Variants in GALNT14 observed in about 807,000 individuals in gnomAD.
GALNT14 encodes polypeptide N-acetylgalactosaminyltransferase 14.
In GALNT14, 60 loss-of-function variants were observed where a neutral mutation model predicts 77.5. That is an observed-to-expected ratio of 0.77 (90% confidence interval 0.63 to 0.96). The LOEUF is 0.96. GALNT14 is among the 40% of genes least tolerant of loss of function. GALNT14 has a pLI of 0.00. For synonymous variants in GALNT14, 280 were observed against 281.7 expected (o/e 0.99, Z 0.06); for missense variants, 710 against 731.0 (o/e 0.97, Z 0.33).
intron 1 of GALNT14, among the ~76,000 whole-genome samples, chr2:31,089,855 G>A (rs1122261): frequency 0.44 from 66,146 of 151,942 alleles, 14,794 homozygotes; most frequent in Middle Eastern, 0.48. Context: ...AAAGACAGCA[G>A]AGGGAGCTTG....
At chr2:30,905,734 A>G (rs1267116073), downstream of GALNT14, among the ~76,000 whole-genome samples, 2 of 148,742 alleles carry the variant, frequency 1.3e-5, no homozygotes, top group Non-Finnish European at 3.0e-5. Flanking sequence ...CTCCTCGAGA[A>G]GAGCAACTCC....
At chr2:30,909,127 A>G (rs1199463204), downstream of GALNT14, among the ~76,000 whole-genome samples, 1 of 151,946 alleles carries the variant, frequency 6.6e-6, no homozygotes, top group African/African-American at 2.4e-5. Flanking sequence ...CCTAGGCATT[A>G]CCATTCAGGA....
intron 6 of GALNT14, among the ~76,000 whole-genome samples, chr2:30,955,151 A>G (rs933344623): frequency 1.3e-5 from 2 of 152,206 alleles, no homozygotes; most frequent in Non-Finnish European, 2.9e-5. Context: ...GTCTCTTAGC[A>G]TCTAGCCTGC....
chr2:31,062,609 T>C (rs1674674168), intron 1 of GALNT14, among the ~76,000 whole-genome samples: 2 of 152,210 alleles, frequency 1.3e-5, no homozygotes, highest in South Asian at 4.1e-4. Flanking sequence ...ATGGTATTTC[T>C]ATTTCTAGAT....
At chr2:30,990,293 C>T (rs1242605549) in intron 2 of GALNT14, among the ~76,000 whole-genome samples, 1 of 152,214 alleles carries the variant, frequency 6.6e-6, no homozygotes, top group Admixed American at 6.5e-5. Flanking sequence ...ATTAGCTGTT[C>T]AGTTCTGAGG....
intron 1 of GALNT14, chr2:31,065,513 C>G (rs1018792670): frequency 6.6e-6 from 1 of 152,284 alleles, no homozygotes; most frequent in Non-Finnish European, 1.5e-5. Flanking sequence ...CAAAGATGAG[C>G]AGACAAGATC....
In GALNT14 at chr2:31,138,147, G is replaced by T. The variant is rs1309971478; in HGVS notation, c.-61C>A. The T allele has an allele frequency of 6.2e-7, 1 of 1,609,960 alleles. No individual in the cohort carries two copies. Among genetic ancestry groups the T allele is most frequent in the African/African-American group, 1.3e-5 (1 of 74,848 alleles). On this transcript the variant is annotated 5_prime_UTR_variant, in exon 1 of 15. The change creates a new upstream start codon in the 5' untranslated region. Transcript: ENST00000349752. ...TCCCGGGGGCACCCCCCGGCGGTCA[G>T]GGTTGGCGGGGCAGGAGTCCTGGCG... is the stretch of plus-strand genomic sequence containing the variant.
At chr2:31,018,988 T>C (rs1671552774) in intron 1 of GALNT14, among the ~76,000 whole-genome samples, 1 of 151,990 alleles carries the variant, frequency 6.6e-6, no homozygotes, top group Non-Finnish European at 1.5e-5. Flanking sequence ...AGGGGGCCGG[T>C]GATGGGGACT....
At chr2:31,030,228 C>T (rs1672324071) in intron 1 of GALNT14, among the ~76,000 whole-genome samples, 1 of 152,056 alleles carries the variant, frequency 6.6e-6, no homozygotes, top group Non-Finnish European at 1.5e-5. Flanking sequence ...TCTGTGGGGA[C>T]TGGTGCCATT....
chr2:30,916,599 C>T (rs113289445), intron 13 of GALNT14, among the ~76,000 whole-genome samples: 4,771 of 152,196 alleles, frequency 0.031, 232 homozygotes, highest in African/African-American at 0.11. Context: ...TTGGAGGACA[C>T]GTCTGGAGAT....
rs1573119587 is a variant in GALNT14, at chr2:30,996,347, G to A, written c.130-3340C>T. Reference sequence around the variant, plus strand: ...AATGTAGTTGAGTCTGCCTGAAGCAGGTCATGGAGAAAACGTCTCTGGCCA... The same window carrying A: ...AATGTAGTTGAGTCTGCCTGAAGCAAGTCATGGAGAAAACGTCTCTGGCCA... On this transcript the variant is annotated intron_variant, in intron 1 of 14. Transcript: ENST00000349752. Among the ~76,000 whole-genome samples, 5 of 152,364 alleles carry A rather than the reference G, an allele frequency of 3.3e-5. No homozygotes were observed. The East Asian group carries it at 9.7e-4, about 29-fold the overall frequency.
chr2:31,095,095 A>G (rs1214025376), intron 1 of GALNT14, among the ~76,000 whole-genome samples: 1 of 152,238 alleles, frequency 6.6e-6, no homozygotes, highest in Admixed American at 6.5e-5. Context: ...TACCAGAAGC[A>G]GAGTCAAGTC....
intron 1 of GALNT14, among the ~76,000 whole-genome samples, chr2:31,082,844 C>A (rs1676222859): frequency 6.6e-6 from 1 of 151,940 alleles, no homozygotes; most frequent in East Asian, 1.9e-4. Flanking sequence ...ATGGTGAAAC[C>A]CTGTCTCTAC....
chr2:31,012,773 A>G (rs1448170130), intron 1 of GALNT14, among the ~76,000 whole-genome samples: 1 of 152,222 alleles, frequency 6.6e-6, no homozygotes, highest in Non-Finnish European at 1.5e-5. Context: ...GTATGAAAAA[A>G]AATCCAAAAA....
intron 1 of GALNT14, among the ~76,000 whole-genome samples, chr2:31,015,249 AC>A (rs1418210443): frequency 2.0e-5 from 3 of 150,298 alleles, no homozygotes; most frequent in Admixed American, 6.7e-5. Flanking sequence ...CCAAGAGCGT[AC>A]CATTGCACTC....
At chr2:31,120,715 C>T (rs1387773073) in intron 1 of GALNT14, among the ~76,000 whole-genome samples, 1 of 152,126 alleles carries the variant, frequency 6.6e-6, no homozygotes, top group Admixed American at 6.5e-5. Context: ...TGTGACCACG[C>T]CCAGCTAATT....
intron 1 of GALNT14, among the ~76,000 whole-genome samples, chr2:31,076,629 A>ATATATATATATT (rs1553373502): frequency 3.9e-5 from 4 of 101,914 alleles, no homozygotes; most frequent in African/African-American, 1.2e-4. Context: ...ATATATATAT[A>ATATATATATATT]TTTTTTTTTT....
rs768963226 is a variant in GALNT14, at chr2:30,958,057, G to A, written c.466+340C>T. On this transcript the variant is annotated intron_variant, in intron 4 of 14. Coordinates refer to ENST00000349752, the MANE Select transcript of GALNT14 (RefSeq NM_024572.4). ...AATGAGCAAGAAAAGAATGCGGAAA[G>A]GTTGGAAGGCAACCCTCACTGTGTC... 1.9e-4 allele frequency among the ~76,000 whole-genome samples: 29 copies of A among 152,298 alleles called. No individual in the cohort carries two copies. The Middle Eastern group carries it at 0.014, about 71-fold the overall frequency.
chr2:30,942,008 C>T (rs140222527), intron 9 of GALNT14, among the ~76,000 whole-genome samples, 193 bp downstream of exon 9: 10 of 152,200 alleles, frequency 6.6e-5, no homozygotes, highest in African/African-American at 2.4e-4. Flanking sequence ...TTATCAACAC[C>T]CTCCAACAAC....
Sources: gnomAD v4.1 joint callset for allele counts (sites outside exome capture counted in the v4.1 genomes callset) on GRCh38, gnomAD v4.1.1 for gene constraint, MANE v1.5 for transcripts, NCBI Gene and HGNC (gene_info 2026-07-23, HGNC 2026-07-21) for gene names.